HDAC9: variants seen among roughly 807,000 people sequenced by gnomAD.
HDAC9 encodes the protein histone deacetylase 9.
In HDAC9, 41 loss-of-function variants were observed where a neutral mutation model predicts 139.4. The ratio of observed to expected loss-of-function variants is 0.29; its 90% confidence interval spans 0.23 to 0.38. HDAC9 has a LOEUF of 0.38. HDAC9 is among the 10% of genes least tolerant of loss of function. HDAC9 has a pLI of 1.00. For synonymous variants in HDAC9, 517 were observed against 476.2 expected (o/e 1.09, Z -1.12); for missense variants, 1,147 against 1,297.0 (o/e 0.88, Z 1.78).
chr7:18,177,659 G>A (rs1390335732), intron 2 of HDAC9, among the ~76,000 whole-genome samples: 1 of 152,138 alleles, frequency 6.6e-6, no homozygotes, highest in Non-Finnish European at 1.5e-5. Flanking sequence ...TCTCAGTTCT[G>A]GAACTTACCT....
chr7:18,127,590 A>G (rs1438569314), intron 1 of HDAC9, among the ~76,000 whole-genome samples: 2 of 152,140 alleles, frequency 1.3e-5, no homozygotes, highest in Admixed American at 6.6e-5. Context: ...ACTATTTTAA[A>G]AAAGGAATAG....
At chr7:18,342,795 T>C (rs552356973) in intron 1 of HDAC9, among the ~76,000 whole-genome samples, 1 of 152,020 alleles carries the variant, frequency 6.6e-6, no homozygotes, top group South Asian at 2.1e-4. Context: ...ATGCTGTCTG[T>C]CCACTTATAT....
intron 24 of HDAC9, among the ~76,000 whole-genome samples, chr7:18,964,103 A>G (rs1333441594): frequency 6.6e-6 from 1 of 152,142 alleles, no homozygotes; most frequent in Non-Finnish European, 1.5e-5. Flanking sequence ...GATTGTCATG[A>G]TGTATAGCAG....
chr7:18,460,984 A>C (rs1793794037), intron 1 of HDAC9, among the ~76,000 whole-genome samples: 1 of 152,084 alleles, frequency 6.6e-6, no homozygotes, highest in South Asian at 2.1e-4. Flanking sequence ...ATTTCTAGAG[A>C]AGAGTAAAAA....
At chr7:18,720,410 T>C (rs1317556472) in intron 12 of HDAC9, among the ~76,000 whole-genome samples, 2 of 151,800 alleles carry the variant, frequency 1.3e-5, no homozygotes, top group African/African-American at 4.8e-5. Context: ...CAATTTATAG[T>C]CTTCTTAATT....
chr7:18,917,841 T>C (rs900961498), intron 22 of HDAC9, among the ~76,000 whole-genome samples: 6 of 151,994 alleles, frequency 3.9e-5, no homozygotes, highest in Non-Finnish European at 8.8e-5. Flanking sequence ...TATGCTCTTA[T>C]CTAATACATG....
chr7:19,001,521 C>T lies in HDAC9; in HGVS notation c.*5459C>T, dbSNP rs1311086408. ...AATATTTGGCTATTGGTTTTATTAA[C>T]TTAAAATTCAACAGAAATGGAGTAA... On this transcript the variant is annotated 3_prime_UTR_variant, in exon 26 of 26. Transcript: ENST00000686413. 1 of 147,376 alleles carries T rather than the reference C, an allele frequency of 6.8e-6. No homozygotes were observed. Among genetic ancestry groups the T allele is most frequent in the Non-Finnish European group, 1.5e-5 (1 of 67,364 alleles). The allele number at this position is 147,376 out of a possible 1,614,324, so 9.1% of individuals were successfully genotyped here. A position where few individuals can be genotyped will look rare whatever the true frequency, so the allele number is the denominator to read the frequency against.
At chr7:18,598,190 A>G (rs547840832) in intron 6 of HDAC9, among the ~76,000 whole-genome samples, 4 of 152,278 alleles carry the variant, frequency 2.6e-5, no homozygotes, top group African/African-American at 9.6e-5. Flanking sequence ...TGTGAATTGC[A>G]TACATGAACA....
At chr7:18,651,117 T>C (rs1239589354) in intron 11 of HDAC9, among the ~76,000 whole-genome samples, 1 of 152,182 alleles carries the variant, frequency 6.6e-6, no homozygotes, top group Non-Finnish European at 1.5e-5. Flanking sequence ...AGGATGTTTA[T>C]TTCACATTGG....
intron 11 of HDAC9, among the ~76,000 whole-genome samples, chr7:18,660,042 A>G (rs764269934): frequency 1.3e-5 from 2 of 152,200 alleles, no homozygotes; most frequent in Non-Finnish European, 2.9e-5. Flanking sequence ...AGAAACACAT[A>G]GAAAACAAAT....
intron 11 of HDAC9, among the ~76,000 whole-genome samples, chr7:18,665,050 T>C (rs550187399): frequency 1.3e-5 from 2 of 152,290 alleles, no homozygotes; most frequent in East Asian, 3.9e-4. Context: ...GGAAAGTCTA[T>C]AAGCCTAAAG....
At chr7:18,218,585 T>C (rs924264154) in intron 2 of HDAC9, among the ~76,000 whole-genome samples, 2 of 152,124 alleles carry the variant, frequency 1.3e-5, no homozygotes, top group Non-Finnish European at 2.9e-5. Context: ...GTGCGGATCA[T>C]TGGGCCATCT....
chr7:18,110,273 C>T (rs563861407), intron 1 of HDAC9, among the ~76,000 whole-genome samples: 2 of 152,228 alleles, frequency 1.3e-5, no homozygotes, highest in Non-Finnish European at 2.9e-5. Flanking sequence ...GGCAGAAGTT[C>T]ATAGTCTACT....
rs61207717 is a variant in HDAC9, at chr7:18,278,732, C to G, written c.25+116383C>G. ...TATCAGGAATTTTCTGTGCTGAAGTCAATGCCCCAGGACATTGTGAATTTA... is the reference window on the plus strand; with the variant it reads ...TATCAGGAATTTTCTGTGCTGAAGTGAATGCCCCAGGACATTGTGAATTTA... On this transcript the variant is annotated intron_variant, in intron 2 of 12. Coordinates refer to the HDAC9 transcript ENST00000417496. 2.9e-3 allele frequency among the ~76,000 whole-genome samples: 442 copies of G among 152,170 alleles called. 2 individuals carry two copies. Among genetic ancestry groups the G allele is most frequent in the African/African-American group, 9.9e-3 (409 of 41,504 alleles).
chr7:18,138,483 C>T (rs1785617769), intron 1 of HDAC9, among the ~76,000 whole-genome samples: 1 of 148,716 alleles, frequency 6.7e-6, no homozygotes, highest in South Asian at 2.1e-4. Context: ...AGAAATGGAG[C>T]CAAATAGCAA....
At chr7:18,797,598 C>A (rs1424457909) in intron 17 of HDAC9, among the ~76,000 whole-genome samples, 1 of 151,994 alleles carries the variant, frequency 6.6e-6, no homozygotes, top group Non-Finnish European at 1.5e-5. Flanking sequence ...GAGGCTGAGG[C>A]GGGTGGATGA....
intron 24 of HDAC9, among the ~76,000 whole-genome samples, chr7:18,954,561 T>C (rs952493082): frequency 2.0e-5 from 3 of 151,874 alleles, no homozygotes; most frequent in African/African-American, 7.3e-5. Flanking sequence ...AGGGTAGTTA[T>C]CTCCTAATGA....
At chr7:18,529,999 G>A (rs184606834) in intron 2 of HDAC9, among the ~76,000 whole-genome samples, 11 of 152,120 alleles carry the variant, frequency 7.2e-5, no homozygotes, top group African/African-American at 2.2e-4. Context: ...GGTCGGGCAC[G>A]GTGGTTCACT....
At chr7:18,210,857 A>G (rs1791890444) in intron 2 of HDAC9, among the ~76,000 whole-genome samples, 1 of 152,154 alleles carries the variant, frequency 6.6e-6, no homozygotes, top group South Asian at 2.1e-4. Flanking sequence ...TCCGGAGGAG[A>G]AGAAACTTGG....
Sources: gnomAD v4.1 joint callset for allele counts (sites outside exome capture counted in the v4.1 genomes callset) on GRCh38, gnomAD v4.1.1 for gene constraint, MANE v1.5 for transcripts, NCBI Gene and HGNC (gene_info 2026-07-23, HGNC 2026-07-21) for gene names.